Variants in TNR observed in about 807,000 individuals in gnomAD.
The protein encoded by TNR is tenascin-R.
In TNR, 45 loss-of-function variants were observed where a neutral mutation model predicts 150.4. The ratio of observed to expected loss-of-function variants is 0.30; its 90% CI spans 0.24 to 0.38. The LOEUF (loss-of-function observed/expected upper bound fraction) is 0.38. Ranked by LOEUF, TNR falls within the 10% of genes least tolerant of loss-of-function variation. The pLI, the probability that TNR is intolerant of heterozygous loss-of-function variation, is 1.00. For missense variants in TNR, 1,544 were observed against 1,759.1 expected (o/e 0.88, Z 2.19); for synonymous variants, 687 against 678.4 (o/e 1.01, Z -0.20).
At chr1:175,451,770 C>T (rs2102094031) in intron 2 of TNR, among the ~76,000 whole-genome samples, 1 of 152,292 alleles carries the variant, frequency 6.6e-6, no homozygotes, top group Middle Eastern at 3.4e-3. Flanking sequence ...AGAAATCAAG[C>T]CAAGCCTGAA....
rs185622342 is a variant in TNR, at chr1:175,599,932, G to A, written c.-164-71563C>T. On this transcript the variant is annotated intron_variant, in intron 1 of 22. Transcript: ENST00000367674. The surrounding 1 kb of genome is among the most constrained non-coding windows in gnomAD (Gnocchi z 4.7). Reference sequence around the variant, plus strand: ...CAAGAGACTGGGGCCGGTTCTACAGGAGGGAGGAAAAGAGTGAGCCATATG... The same window carrying A: ...CAAGAGACTGGGGCCGGTTCTACAGAAGGGAGGAAAAGAGTGAGCCATATG... Among the ~76,000 whole-genome samples the A allele has an allele frequency of 3.7e-4, 56 of 152,316 alleles. 1 individual carries two copies. The highest frequency in any genetic ancestry group is 1.2e-3 in the African/African-American group (51 of 41,558).
At chr1:175,656,159 T>C (rs1438677968) in intron 1 of TNR, among the ~76,000 whole-genome samples, 1 of 148,550 alleles carries the variant, frequency 6.7e-6, no homozygotes, top group African/African-American at 2.6e-5. Context: ...TGTGTGTGTG[T>C]GTGTGTGTGT....
chr1:175,662,834 G>C (rs1038826770), intron 1 of TNR, among the ~76,000 whole-genome samples: 4 of 152,204 alleles, frequency 2.6e-5, no homozygotes, highest in African/African-American at 9.7e-5. Context: ...CTGCTCAGCT[G>C]TTTGGGGTGG....
At position 175,631,884 on chromosome 1, in the gene TNR, C is replaced by T. The variant is rs528867049; in HGVS notation, c.-164-103515G>A. On this transcript the variant is annotated intron_variant, in intron 1 of 22. Transcript: ENST00000367674. Reference sequence around the variant, plus strand: ...TCTACACTGCTTTATATGTCATAAACAGCATGTAATGCTTTTTGACTAAAA... The same window carrying T: ...TCTACACTGCTTTATATGTCATAAATAGCATGTAATGCTTTTTGACTAAAA... 5.3e-5 allele frequency among the ~76,000 whole-genome samples: 8 copies of T among 152,312 alleles called. No homozygotes were observed. The South Asian group carries it at 1.5e-3, about 28-fold the overall frequency.
intron 1 of TNR, among the ~76,000 whole-genome samples, chr1:175,532,827 G>A (rs1231444680): frequency 2.0e-5 from 3 of 152,142 alleles, no homozygotes; most frequent in African/African-American, 7.2e-5. Context: ...GCTTCTACAA[G>A]GGTGCTTGAG....
intron 2 of TNR, among the ~76,000 whole-genome samples, chr1:175,435,560 A>C (rs1478042837): frequency 6.6e-6 from 1 of 152,106 alleles, no homozygotes; most frequent in South Asian, 2.1e-4. Flanking sequence ...TTCAAGGGAG[A>C]AGTTGGGCTG....
intron 2 of TNR, among the ~76,000 whole-genome samples, chr1:175,524,757 G>A (rs1659786269): frequency 6.6e-6 from 1 of 152,210 alleles, no homozygotes; most frequent in Admixed American, 6.5e-5. Context: ...TGCATCCAAT[G>A]CCATTACATT....
chr1:175,740,458 C>T lies in TNR; in HGVS notation c.-165+2768G>A, dbSNP rs571264297. Among the ~76,000 whole-genome samples, 16 of 151,940 alleles carry T rather than the reference C, an allele frequency of 1.1e-4. No individual in the cohort carries two copies. The South Asian group carries it at 2.3e-3, about 22-fold the overall frequency. ...TTCAACAAAAAAAAAGTAATAATGG[C>T]GCTTTCCAGGTAAAAGATGGCAACC... On this transcript the variant is annotated intron_variant, in intron 1 of 22. Transcript: ENST00000367674.
chr1:175,609,916 C>A (rs1663538128), intron 1 of TNR, among the ~76,000 whole-genome samples: 1 of 152,120 alleles, frequency 6.6e-6, no homozygotes, highest in African/African-American at 2.4e-5. Flanking sequence ...TGTTCCAGGA[C>A]ACAAATAGTC....
At chr1:175,383,805 T>C (rs986769411) in intron 8 of TNR, among the ~76,000 whole-genome samples, 2 of 152,184 alleles carry the variant, frequency 1.3e-5, no homozygotes, top group African/African-American at 4.8e-5. Context: ...GCCTGGAGAA[T>C]CTGTCTGCAG....
At chr1:175,572,944 C>G (rs1159879922) in intron 1 of TNR, among the ~76,000 whole-genome samples, 2 of 151,624 alleles carry the variant, frequency 1.3e-5, no homozygotes, top group African/African-American at 2.4e-5. Flanking sequence ...CTTTTTCGTC[C>G]AGGGAGACAT....
At chr1:175,598,854 A>G (rs953319148) in intron 1 of TNR, among the ~76,000 whole-genome samples, 2 of 152,230 alleles carry the variant, frequency 1.3e-5, no homozygotes, top group African/African-American at 4.8e-5. Flanking sequence ...CTGCCACTCT[A>G]GAATCTCAAG....
At chr1:175,598,401 A>G (rs1034966530) in intron 1 of TNR, among the ~76,000 whole-genome samples, 3 of 152,184 alleles carry the variant, frequency 2.0e-5, no homozygotes, top group African/African-American at 4.8e-5. Context: ...TAACAAATCA[A>G]CTCACCAAGA....
intron 1 of TNR, among the ~76,000 whole-genome samples, chr1:175,537,514 AG>A (rs1401346766): frequency 1.3e-5 from 2 of 152,204 alleles, no homozygotes; most frequent in Non-Finnish European, 2.9e-5. Context: ...TTCCCACCAA[AG>A]GATCTGACTT....
intron 4 of TNR, among the ~76,000 whole-genome samples, chr1:175,402,667 C>T (rs2102044838): frequency 6.6e-6 from 1 of 152,300 alleles, no homozygotes; most frequent in African/African-American, 2.4e-5. Flanking sequence ...ATCAGAGAGC[C>T]TCACAGACCA....
At chr1:175,666,601 G>A (rs1429241689) in intron 1 of TNR, among the ~76,000 whole-genome samples, 3 of 152,244 alleles carry the variant, frequency 2.0e-5, no homozygotes, top group Non-Finnish European at 4.4e-5. Context: ...AGTGAAGCCA[G>A]CTTACTCCCA....
chr1:175,688,463 A>G (rs1386080099), intron 1 of TNR, among the ~76,000 whole-genome samples: 1 of 152,248 alleles, frequency 6.6e-6, no homozygotes, highest in Non-Finnish European at 1.5e-5. Context: ...ACATTAGTTG[A>G]GCAAATGAAT....
chr1:175,359,259 C>T (rs1277126042), intron 15 of TNR, among the ~76,000 whole-genome samples: 1 of 145,708 alleles, frequency 6.9e-6, no homozygotes, highest in Non-Finnish European at 1.5e-5. Context: ...GATTCTCCTG[C>T]CTCAGCCTCC....
At chr1:175,623,995 A>G (rs906005932) in intron 1 of TNR, among the ~76,000 whole-genome samples, 1 of 152,202 alleles carries the variant, frequency 6.6e-6, no homozygotes, top group African/African-American at 2.4e-5. Context: ...TTCCATCTAT[A>G]TAAAAATGCT....
Sources: gnomAD v4.1 joint callset for allele counts (sites outside exome capture counted in the v4.1 genomes callset) on GRCh38, gnomAD v4.1.1 for gene constraint, Gnocchi (gnomAD v3.1) non-coding constraint, MANE v1.5 for transcripts, NCBI Gene and HGNC (gene_info 2026-07-23, HGNC 2026-07-21) for gene names.